CHRM3: variants seen among roughly 807,000 people sequenced by gnomAD.
CHRM3 encodes muscarinic acetylcholine receptor M3.
A neutral mutation model predicts 41.8 loss-of-function variants in CHRM3; 11 were observed. The ratio of observed to expected loss-of-function variants is 0.26; its 90% CI spans 0.17 to 0.44. CHRM3 has a LOEUF of 0.44. Among genes scored for constraint, CHRM3 ranks in the 20% least tolerant of loss-of-function variants. The probability of loss-of-function intolerance (pLI) is 1.00; values close to 1 mark genes in which losing one functional copy is unlikely to be tolerated. For missense variants in CHRM3, 571 were observed against 745.4 expected (o/e 0.77, Z 2.72); for synonymous variants, 297 against 301.4 (o/e 0.99, Z 0.15).
At chr1:239,745,519 G>A (rs932477896) in intron 5 of CHRM3, among the ~76,000 whole-genome samples, 1 of 151,574 alleles carries the variant, frequency 6.6e-6, no homozygotes, top group African/African-American at 2.4e-5. Context: ...TATACTTTAA[G>A]TTCTGGGGTA....
intron 1 of CHRM3, among the ~76,000 whole-genome samples, chr1:239,406,122 C>A (rs1363354652): frequency 6.6e-6 from 1 of 152,128 alleles, no homozygotes; most frequent in Non-Finnish European, 1.5e-5. Context: ...GAACTCCTGA[C>A]CTCATGATCT....
chr1:239,816,653 C>G (rs1671613518), intron 5 of CHRM3, among the ~76,000 whole-genome samples: 1 of 151,644 alleles, frequency 6.6e-6, no homozygotes, highest in East Asian at 2.0e-4. Flanking sequence ...TGCCTGGGCT[C>G]AAAGCCTGAC....
intron 1 of CHRM3, among the ~76,000 whole-genome samples, chr1:239,471,975 TG>T (rs1307656486): frequency 6.6e-6 from 1 of 152,168 alleles, no homozygotes; most frequent in Non-Finnish European, 1.5e-5. Flanking sequence ...GTTGTTATTT[TG>T]TTTTGTTTTG....
chr1:239,846,030 A>T (rs1305827889), intron 6 of CHRM3, among the ~76,000 whole-genome samples: 1 of 152,210 alleles, frequency 6.6e-6, no homozygotes, highest in Non-Finnish European at 1.5e-5. Flanking sequence ...ACTGTTGAAG[A>T]AGAAAATGTA....
chr1:239,556,286 G>C (rs1336260680), intron 3 of CHRM3, among the ~76,000 whole-genome samples: 1 of 152,094 alleles, frequency 6.6e-6, no homozygotes, highest in Non-Finnish European at 1.5e-5. Flanking sequence ...ACACACGTGA[G>C]CCACAGAATA....
chr1:239,692,621 C>T (rs1236594419), intron 5 of CHRM3, among the ~76,000 whole-genome samples: 1 of 151,978 alleles, frequency 6.6e-6, no homozygotes. Flanking sequence ...AAATTAATAA[C>T]CTAACAAAAG....
intron 3 of CHRM3, among the ~76,000 whole-genome samples, chr1:239,586,329 A>G (rs1663396563): frequency 6.6e-6 from 1 of 152,158 alleles, no homozygotes; most frequent in South Asian, 2.1e-4. Flanking sequence ...TTATTAATAC[A>G]TAACTGTGGC....
chr1:239,435,223 G>A lies in CHRM3; in HGVS notation c.-521+47996G>A, dbSNP rs192364532. Among the ~76,000 whole-genome samples, 950 of 152,222 alleles carry A rather than the reference G, an allele frequency of 6.2e-3. 5 individuals are homozygous for A. The highest frequency in any genetic ancestry group is 0.022 in the African/African-American group (910 of 41,548). Reference sequence around the variant, plus strand: ...TCCCAGCACTTCGGGAGGCCAAGGCGGGCGGATCACGAGGTCAGGAGTTTG... The same window carrying A: ...TCCCAGCACTTCGGGAGGCCAAGGCAGGCGGATCACGAGGTCAGGAGTTTG... On this transcript the variant is annotated intron_variant, in intron 1 of 6. Coordinates refer to ENST00000676153, the MANE Select transcript of CHRM3 (RefSeq NM_001375978.1).
chr1:239,562,051 G>A (rs1014676105), intron 3 of CHRM3, among the ~76,000 whole-genome samples: 2 of 152,066 alleles, frequency 1.3e-5, no homozygotes, highest in Non-Finnish European at 2.9e-5. Context: ...TTGTTTTGAC[G>A]GTTCAGGATA....
chr1:239,731,539 A>C (rs750442709), intron 5 of CHRM3, among the ~76,000 whole-genome samples: 1 of 151,840 alleles, frequency 6.6e-6, no homozygotes, highest in Non-Finnish European at 1.5e-5. Flanking sequence ...ATTTGTATGC[A>C]TTTTTTTCAT....
chr1:239,778,134 A>G (rs1668242583), intron 5 of CHRM3, among the ~76,000 whole-genome samples: 1 of 152,202 alleles, frequency 6.6e-6, no homozygotes, highest in South Asian at 2.1e-4. Context: ...GAAAAGAAAC[A>G]GTGCTAGGTT....
rs544652300 is a variant in CHRM3, at chr1:239,687,618, T to A, written c.-147+9330T>A. Among the ~76,000 whole-genome samples, 133 of 152,254 alleles carry A rather than the reference T, an allele frequency of 8.7e-4. 1 individual carries two copies. The highest frequency in any genetic ancestry group is 2.9e-3 in the African/African-American group (121 of 41,558). On this transcript the variant is annotated intron_variant, in intron 5 of 6. Transcript: ENST00000676153. ...GTGACATGTTTTAACCAGGGACAGTTAAGAAAATATTCATTAGAGTTTACA... is the reference window on the plus strand; with the variant it reads ...GTGACATGTTTTAACCAGGGACAGTAAAGAAAATATTCATTAGAGTTTACA...
chr1:239,778,567 G>A (rs1295108672), intron 5 of CHRM3, among the ~76,000 whole-genome samples: 1 of 152,146 alleles, frequency 6.6e-6, no homozygotes, highest in East Asian at 1.9e-4. Context: ...AGTCCCTCCT[G>A]ACCTGGATCA....
chr1:239,498,712 A>G (rs1295543218), intron 2 of CHRM3, among the ~76,000 whole-genome samples: 5 of 152,202 alleles, frequency 3.3e-5, no homozygotes, highest in Admixed American at 3.3e-4. Flanking sequence ...AAAGCCTGAT[A>G]TACTTTTGTG....
chr1:239,578,839 T>TC (rs201256272), intron 3 of CHRM3, among the ~76,000 whole-genome samples: 2 of 152,138 alleles, frequency 1.3e-5, no homozygotes, highest in Admixed American at 1.3e-4. Context: ...TGTAGTGAGT[T>TC]CCCCGAGTGC....
At chr1:239,721,892 G>A (rs1478253527) in intron 5 of CHRM3, among the ~76,000 whole-genome samples, 2 of 151,788 alleles carry the variant, frequency 1.3e-5, no homozygotes, top group African/African-American at 2.4e-5. Flanking sequence ...GGTGAGCGAG[G>A]GAAATCAGAG....
At chr1:239,567,792 G>C (rs2148519929) in intron 3 of CHRM3, among the ~76,000 whole-genome samples, 1 of 152,262 alleles carries the variant, frequency 6.6e-6, no homozygotes, top group Non-Finnish European at 1.5e-5. Context: ...CCCTGCACTT[G>C]GCTGGTTTGT....
intron 5 of CHRM3, among the ~76,000 whole-genome samples, chr1:239,814,112 T>C (rs2149001184): frequency 6.6e-6 from 1 of 152,218 alleles, no homozygotes; most frequent in Middle Eastern, 3.4e-3. Context: ...TTTGGCTATT[T>C]AAGTCTAAAT....
intron 1 of CHRM3, among the ~76,000 whole-genome samples, chr1:239,431,744 CT>C (rs1482846416): frequency 4.1e-4 from 63 of 152,270 alleles, no homozygotes; most frequent in Middle Eastern, 3.4e-3. Context: ...AGAAATTAAG[CT>C]GAAAAGGGTA....
Sources: gnomAD v4.1 joint callset for allele counts (sites outside exome capture counted in the v4.1 genomes callset) on GRCh38, gnomAD v4.1.1 for gene constraint, MANE v1.5 for transcripts, NCBI Gene and HGNC (gene_info 2026-07-23, HGNC 2026-07-21) for gene names.